Variants in SMYD1 observed in about 807,000 individuals in gnomAD.
SMYD1 encodes the protein SET and MYND domain containing 1.
SMYD1 carries 49 observed loss-of-function variants against 54.0 expected under a neutral mutation model. The ratio of observed to expected loss-of-function variants is 0.91; its 90% CI spans 0.72 to 1.15. SMYD1 has a LOEUF of 1.15. SMYD1 is among the 50% of genes most tolerant of loss of function. The pLI is 0.00. For synonymous variants in SMYD1, 269 were observed against 234.2 expected, an observed-to-expected ratio of 1.15 and a Z score of -1.36; for missense variants, 653 against 639.6, an observed-to-expected ratio of 1.02 and a Z score of -0.23.
chr2:88,110,426 GA>G lies in SMYD1; in HGVS notation c.1388del (p.Glu463GlyfsTer4). Reference sequence around the variant, plus strand: ...CGAATTCATGTACTACAAGATGCGCGAGGCTGCCCTGAACAACCAGCCCATG... The same window carrying G: ...CGAATTCATGTACTACAAGATGCGCGGGCTGCCCTGAACAACCAGCCCATG... The part of the protein sequence containing the change: ...QNEFMYYKMR[E>X]AALNNQPMQV... On this transcript the variant is annotated frameshift_variant, in exon 10 of 10. Coordinates refer to ENST00000419482, the MANE Select transcript of SMYD1 (RefSeq NM_198274.4). LOFTEE classifies it high-confidence loss of function. 6.2e-7 allele frequency: 1 copy of G among 1,610,972 alleles called. No individual in the cohort carries two copies. The highest frequency in any genetic ancestry group is 8.5e-7 in the Non-Finnish European group (1 of 1,178,650).
At chr2:88,082,762 T>C (rs1558849353) in intron 1 of SMYD1, among the ~76,000 whole-genome samples, 1 of 152,182 alleles carries the variant, frequency 6.6e-6, no homozygotes, top group Non-Finnish European at 1.5e-5. Context: ...GAGAAATGAA[T>C]GGGAAGCAAG....
At chr2:88,094,690 C>T (rs12614892) in intron 5 of SMYD1, among the ~76,000 whole-genome samples, 53,428 of 151,884 alleles carry the variant, frequency 0.35, 9,479 homozygotes, top group Middle Eastern at 0.46. Context: ...ATCAGACACC[C>T]TGAGACCGTG....
At chr2:88,089,442 T>A (rs1010745321) in intron 3 of SMYD1, among the ~76,000 whole-genome samples, 7 of 152,138 alleles carry the variant, frequency 4.6e-5, no homozygotes, top group Non-Finnish European at 1.0e-4. Context: ...CAAGGTAAGG[T>A]CCATGCTTTC....
intron 3 of SMYD1, 110 bp downstream of exon 3, chr2:88,088,185 C>G (rs1029760545): frequency 8.5e-7 from 1 of 1,172,900 alleles, no homozygotes; most frequent in Non-Finnish European, 1.2e-6. Flanking sequence ...AGGCAGAAGC[C>G]CTGTCTGCCC....
intron 1 of SMYD1, among the ~76,000 whole-genome samples, chr2:88,083,493 C>T (rs553519579): frequency 6.6e-6 from 1 of 152,246 alleles, no homozygotes; most frequent in South Asian, 2.1e-4. Flanking sequence ...CATTTTCCTC[C>T]TCATCACTTC....
At chr2:88,076,634 A>G (rs1674072816) in intron 1 of SMYD1, among the ~76,000 whole-genome samples, 2 of 152,236 alleles carry the variant, frequency 1.3e-5, no homozygotes, top group South Asian at 4.1e-4. Flanking sequence ...GGAAAGAAGA[A>G]AAGAAGAAGG....
chr2:88,080,662 T>G (rs1469395557), intron 1 of SMYD1, among the ~76,000 whole-genome samples: 2 of 152,154 alleles, frequency 1.3e-5, no homozygotes, highest in African/African-American at 4.8e-5. Flanking sequence ...TGAGCCCTGA[T>G]GCCCCAGAGG....
At chr2:88,074,922 G>A (rs1418227251) in intron 1 of SMYD1, among the ~76,000 whole-genome samples, 8 of 152,210 alleles carry the variant, frequency 5.3e-5, no homozygotes, top group Admixed American at 5.2e-4. Context: ...GGAATGGCAG[G>A]ATCAGCCCTG....
intron 9 of SMYD1, among the ~76,000 whole-genome samples, chr2:88,109,170 G>A (rs543766107): frequency 6.6e-5 from 10 of 152,260 alleles, no homozygotes; most frequent in African/African-American, 2.4e-4. Flanking sequence ...GTCACATAGC[G>A]AGCTAATGGC....
intron 3 of SMYD1, among the ~76,000 whole-genome samples, 190 bp from the exon 4 acceptor site, chr2:88,090,822 T>C (rs990326637): frequency 6.6e-6 from 1 of 152,240 alleles, no homozygotes; most frequent in Non-Finnish European, 1.5e-5. Flanking sequence ...ATGGGACTGT[T>C]CCATGGCCCT....
chr2:88,067,850 C>G lies in SMYD1; in HGVS notation c.-15C>G. On this transcript the variant is annotated 5_prime_UTR_variant, in exon 1 of 10. Coordinates refer to ENST00000419482, the MANE Select transcript of SMYD1 (RefSeq NM_198274.4). ...AGTGTTAAATAACTGCCGCGCTGGC[C>G]TGACAGTCTCTGAGATGACAATAGG... 6.2e-7 allele frequency: 1 copy of G among 1,612,130 alleles called. No individual in the cohort carries two copies. Among genetic ancestry groups the G allele is most frequent in the Non-Finnish European group, 8.5e-7 (1 of 1,179,380 alleles).
intron 6 of SMYD1, among the ~76,000 whole-genome samples, chr2:88,100,963 CA>C (rs1674707340): frequency 6.6e-6 from 1 of 152,060 alleles, no homozygotes; most frequent in African/African-American, 2.4e-5. Context: ...CAAGGATAGC[CA>C]AAATTATAGG....
chr2:88,104,886 G>A (rs1224751945), intron 7 of SMYD1, among the ~76,000 whole-genome samples: 2 of 152,152 alleles, frequency 1.3e-5, no homozygotes, highest in Admixed American at 1.3e-4. Flanking sequence ...GGACGATTGC[G>A]GTCAGGTCCA....
At chr2:88,079,325 C>A (rs1410410400) in intron 1 of SMYD1, among the ~76,000 whole-genome samples, 1 of 152,098 alleles carries the variant, frequency 6.6e-6, no homozygotes, top group Non-Finnish European at 1.5e-5. Flanking sequence ...CAGTTAATAG[C>A]AGATAGATTA....
chr2:88,108,793 G>A (rs537019295), intron 9 of SMYD1, among the ~76,000 whole-genome samples: 1 of 152,338 alleles, frequency 6.6e-6, no homozygotes, highest in South Asian at 2.1e-4. Context: ...TGTATAGGAA[G>A]TGTGGTGCTG....
intron 6 of SMYD1, 21 bp from the exon 7 acceptor site, chr2:88,103,037 C>G (rs1674756549): frequency 6.2e-7 from 1 of 1,608,084 alleles, no homozygotes; most frequent in African/African-American, 1.3e-5. Context: ...ATCTCTAGCT[C>G]AATGTGTCTC....
At chr2:88,095,981 A>G (rs1331673801) in intron 5 of SMYD1, among the ~76,000 whole-genome samples, 1 of 152,198 alleles carries the variant, frequency 6.6e-6, no homozygotes, top group Non-Finnish European at 1.5e-5. Flanking sequence ...ATCTCCCAAT[A>G]AACACCAAAG....
chr2:88,090,578 G>C (rs939059929), intron 3 of SMYD1, among the ~76,000 whole-genome samples: 2 of 151,838 alleles, frequency 1.3e-5, no homozygotes, highest in Admixed American at 1.3e-4. Flanking sequence ...TTTTTTTTAT[G>C]AACAGCTACA....
intron 1 of SMYD1, among the ~76,000 whole-genome samples, chr2:88,080,310 C>T (rs1674160229): frequency 6.8e-6 from 1 of 147,668 alleles, no homozygotes; most frequent in South Asian, 2.2e-4. Context: ...AAATTTAAAA[C>T]AATAAAACAG....
Sources: gnomAD v4.1 joint callset for allele counts (sites outside exome capture counted in the v4.1 genomes callset) on GRCh38, gnomAD v4.1.1 for gene constraint, MANE v1.5 for transcripts, NCBI Gene and HGNC (gene_info 2026-07-23, HGNC 2026-07-21) for gene names.